Variants in SORCS1 observed in about 807,000 individuals in gnomAD.
SORCS1 encodes the protein sortilin related VPS10 domain containing receptor 1.
A neutral mutation model predicts 146.1 loss-of-function variants in SORCS1; 60 were observed. That is an observed-to-expected ratio of 0.41 (90% CI 0.33 to 0.51). SORCS1 has a LOEUF of 0.51. SORCS1 is among the 20% of genes least tolerant of loss of function. SORCS1 has a pLI of 0.21. For missense variants in SORCS1, 1,352 were observed against 1,487.6 expected (o/e 0.91, Z 1.50); for synonymous variants, 637 against 584.0 (o/e 1.09, Z -1.31).
chr10:106,767,673 G>A (rs1386265888), intron 4 of SORCS1, among the ~76,000 whole-genome samples: 1 of 150,688 alleles, frequency 6.6e-6, no homozygotes, highest in Non-Finnish European at 1.5e-5. Context: ...ATTTTTAGTA[G>A]AGAGGGGTGG....
At chr10:106,963,347 C>T (rs1031817973) in intron 1 of SORCS1, among the ~76,000 whole-genome samples, 1 of 151,894 alleles carries the variant, frequency 6.6e-6, no homozygotes, top group Admixed American at 6.6e-5. Flanking sequence ...GATCTCCTGA[C>T]CTTGTGATCC....
chr10:106,905,085 A>G (rs1380996425), intron 2 of SORCS1, among the ~76,000 whole-genome samples: 1 of 152,228 alleles, frequency 6.6e-6, no homozygotes, highest in Non-Finnish European at 1.5e-5. Context: ...AATTGAAGAA[A>G]GTAGAAAAAT....
intron 2 of SORCS1, among the ~76,000 whole-genome samples, chr10:106,841,846 T>C (rs995072562): frequency 6.6e-6 from 1 of 152,232 alleles, no homozygotes; most frequent in South Asian, 2.1e-4. Flanking sequence ...TAAATCTCAG[T>C]TGCTTCCAAG....
Position 106,920,993 on chromosome 10 carries a change from C to T in SORCS1, c.626+35520G>A, listed in dbSNP as rs964904402. ...TCCATGGCATGCTCCTGGGAAAACACTCCCATTTTTCCAGCTCCAAGGCAC... is the reference window on the plus strand; with the variant it reads ...TCCATGGCATGCTCCTGGGAAAACATTCCCATTTTTCCAGCTCCAAGGCAC... On this transcript the variant is annotated intron_variant, in intron 2 of 25. Transcript: ENST00000263054. 4.3e-4 allele frequency among the ~76,000 whole-genome samples: 66 copies of T among 152,160 alleles called. 2 individuals are homozygous for T. The highest frequency in any genetic ancestry group is 1.5e-5 in the Non-Finnish European group (1 of 68,026).
intron 2 of SORCS1, among the ~76,000 whole-genome samples, chr10:106,888,775 C>G (rs1240706717): frequency 3.3e-5 from 5 of 152,188 alleles, no homozygotes; most frequent in Admixed American, 2.0e-4. Context: ...CTTATATCCT[C>G]AGATTGTAAG....
chr10:106,601,918 T>C (rs577054221), intron 23 of SORCS1, among the ~76,000 whole-genome samples: 1 of 152,290 alleles, frequency 6.6e-6, no homozygotes, highest in Non-Finnish European at 1.5e-5. Context: ...TACAGTCCTA[T>C]CATGTACCCT....
chr10:106,911,064 C>T (rs771717156), intron 2 of SORCS1, among the ~76,000 whole-genome samples: 1 of 152,166 alleles, frequency 6.6e-6, no homozygotes, highest in Non-Finnish European at 1.5e-5. Flanking sequence ...TCTCTAAGCT[C>T]CAGGTGCTTC....
At position 107,027,022 on chromosome 10, in the gene SORCS1, A is replaced by G. The variant is rs74154825; in HGVS notation, c.559-70442T>C. 6.1e-3 allele frequency among the ~76,000 whole-genome samples: 727 copies of G among 119,304 alleles called. 11 individuals carry two copies. Among genetic ancestry groups the G allele is most frequent in the African/African-American group, 0.023 (685 of 30,208 alleles). 78.3% of individuals were successfully genotyped at this position (119,304 alleles called of 152,430 possible). A position where few individuals can be genotyped will look rare whatever the true frequency, so the allele number is the denominator to read the frequency against. The stretch of plus-strand genomic sequence containing the variant: ...GCTTGACTATCAGGGGTATATGTGT[A>G]TATATATATATAAAAATATATATAT... On this transcript the variant is annotated intron_variant, in intron 1 of 25. Transcript: ENST00000263054.
Position 106,958,668 on chromosome 10 carries a change from C to T in SORCS1, c.559-2088G>A, listed in dbSNP as rs569791817. Reference sequence around the variant, plus strand: ...AGCACAGCTTCCTTCCTTCCAGGTCCTGTTCAAAACTTGCTTCTTTAGCAA... The same window carrying T: ...AGCACAGCTTCCTTCCTTCCAGGTCTTGTTCAAAACTTGCTTCTTTAGCAA... On this transcript the variant is annotated intron_variant, in intron 1 of 25. Coordinates refer to ENST00000263054, the MANE Select transcript of SORCS1 (RefSeq NM_052918.5). Among the ~76,000 whole-genome samples, 14 of 148,442 alleles carry T rather than the reference C, an allele frequency of 9.4e-5. 2 individuals carry two copies. The highest frequency in any genetic ancestry group is 3.4e-4 in the African/African-American group (14 of 41,250).
intron 24 of SORCS1, among the ~76,000 whole-genome samples, chr10:106,587,774 C>T (rs751238353): frequency 4.6e-5 from 7 of 152,068 alleles, no homozygotes; most frequent in Admixed American, 1.3e-4. Flanking sequence ...TTTCCTGAAC[C>T]GAGCAGTTTA....
At position 106,965,038 on chromosome 10, in the gene SORCS1, A is replaced by G. The variant is rs1955436517; in HGVS notation, c.559-8458T>C. On this transcript the variant is annotated intron_variant, in intron 1 of 25. Transcript: ENST00000263054. ...CATTATGTCATATAGCAGGAAGTCC[A>G]GAGTTTACGCAGTTCCAGGACTAAT... Among the ~76,000 whole-genome samples the G allele has an allele frequency of 2.0e-5, 3 of 151,862 alleles. No individual in the cohort carries two copies. The South Asian group carries it at 6.3e-4, about 32-fold the overall frequency.
At chr10:107,020,445 T>C (rs1958079909) in intron 1 of SORCS1, among the ~76,000 whole-genome samples, 1 of 152,240 alleles carries the variant, frequency 6.6e-6, no homozygotes, top group African/African-American at 2.4e-5. Context: ...AATTTAACTT[T>C]TGTTCGTATA....
chr10:106,791,488 T>C (rs1946319314), intron 3 of SORCS1, among the ~76,000 whole-genome samples: 1 of 152,090 alleles, frequency 6.6e-6, no homozygotes, highest in Admixed American at 6.6e-5. Flanking sequence ...GATCATGAGG[T>C]CAAAAGATCG....
chr10:107,061,734 C>T (rs1003521569), intron 1 of SORCS1, among the ~76,000 whole-genome samples: 1 of 152,132 alleles, frequency 6.6e-6, no homozygotes, highest in Non-Finnish European at 1.5e-5. Context: ...CTTATGGCTT[C>T]ATTTTATCTC....
Position 106,586,261 on chromosome 10 carries a change from G to A in SORCS1, c.3266-6787C>T, listed in dbSNP as rs187002929. ...AGACACTTTAAGAATGAAAGGGGGCGCTATTAAAGCTTACGCTGATATAGC... is the reference window on the plus strand; with the variant it reads ...AGACACTTTAAGAATGAAAGGGGGCACTATTAAAGCTTACGCTGATATAGC... On this transcript the variant is annotated intron_variant, in intron 24 of 25. Transcript: ENST00000263054. Among the ~76,000 whole-genome samples, 341 of 152,252 alleles carry A rather than the reference G, an allele frequency of 2.2e-3. 1 individual carries two copies. The highest frequency in any genetic ancestry group is 3.3e-3 in the Non-Finnish European group (223 of 68,022).
intron 3 of SORCS1, among the ~76,000 whole-genome samples, chr10:106,797,821 C>A (rs566606289): frequency 1.3e-5 from 2 of 152,272 alleles, no homozygotes; most frequent in African/African-American, 4.8e-5. Flanking sequence ...GGGAGCAGGG[C>A]AACCCCAGAG....
At chr10:106,987,128 G>T (rs1172028755) in intron 1 of SORCS1, among the ~76,000 whole-genome samples, 1 of 152,126 alleles carries the variant, frequency 6.6e-6, no homozygotes, top group Non-Finnish European at 1.5e-5. Context: ...AAAATTACTG[G>T]CTGATAACCT....
intron 2 of SORCS1, among the ~76,000 whole-genome samples, chr10:106,926,901 T>G (rs982612933): frequency 7.5e-6 from 1 of 132,664 alleles, no homozygotes; most frequent in African/African-American, 2.9e-5. Context: ...AGAGAGAGAA[T>G]GACAAATGTC....
At chr10:106,989,191 A>C (rs1956628181) in intron 1 of SORCS1, among the ~76,000 whole-genome samples, 1 of 147,162 alleles carries the variant, frequency 6.8e-6, no homozygotes, top group African/African-American at 2.6e-5. Flanking sequence ...AATCGCTTGA[A>C]CCCAGGAGGC....
Sources: allele counts gnomAD v4.1 joint callset (sites outside exome capture counted in the v4.1 genomes callset), GRCh38; gene constraint gnomAD v4.1.1; transcripts MANE v1.5; gene names NCBI Gene and HGNC (gene_info 2026-07-23, HGNC 2026-07-21).